MGMT: variants seen among roughly 807,000 people sequenced by gnomAD.
MGMT encodes methylated-DNA--protein-cysteine methyltransferase.
In MGMT, 14 loss-of-function variants were observed where a neutral mutation model predicts 15.9. That is an observed-to-expected ratio of 0.88 (90% CI 0.58 to 1.37). The LOEUF is 1.37. Among genes scored for constraint, MGMT ranks in the 40% most tolerant of loss-of-function variants. The pLI is 0.00. For missense variants in MGMT, 282 were observed against 268.1 expected (o/e 1.05, Z -0.36); for synonymous variants, 130 against 118.2 (o/e 1.10, Z -0.65).
At chr10:129,720,955 G>A (rs990800458) in intron 3 of MGMT, among the ~76,000 whole-genome samples, 4 of 147,738 alleles carry the variant, frequency 2.7e-5, no homozygotes, top group African/African-American at 1.0e-4. Flanking sequence ...AAAAAAAAAA[G>A]CAAGAAAAAT....
chr10:129,644,331 T>A (rs7894836), intron 2 of MGMT, among the ~76,000 whole-genome samples: 44,692 of 152,150 alleles, frequency 0.29, 6,930 homozygotes, highest in Non-Finnish European at 0.33. Flanking sequence ...ACAATGGCAG[T>A]ACACTGCGGC....
intron 2 of MGMT, among the ~76,000 whole-genome samples, chr10:129,538,053 G>A (rs1251164605): frequency 6.6e-6 from 1 of 152,172 alleles, no homozygotes; most frequent in Non-Finnish European, 1.5e-5. Flanking sequence ...AGCAGTATTT[G>A]TGTGTAGTTA....
At chr10:129,650,367 G>C (rs760690942) in intron 2 of MGMT, among the ~76,000 whole-genome samples, 10 of 152,150 alleles carry the variant, frequency 6.6e-5, no homozygotes, top group Non-Finnish European at 1.3e-4. Context: ...TAGAGGACGC[G>C]AGCACATGTG....
chr10:129,512,011 G>A (rs891749071), intron 1 of MGMT, among the ~76,000 whole-genome samples: 4 of 152,208 alleles, frequency 2.6e-5, no homozygotes, highest in Non-Finnish European at 4.4e-5. Context: ...CTAGCTCAGG[G>A]CTCAGTCCTG....
chr10:129,730,920 G>GCATA (rs1848488637), intron 3 of MGMT, among the ~76,000 whole-genome samples: 1 of 152,254 alleles, frequency 6.6e-6, no homozygotes, highest in African/African-American at 2.4e-5. Flanking sequence ...AAAGTCTTAG[G>GCATA]CATAATTCTT....
At chr10:129,668,696 T>C (rs1191641039) in intron 2 of MGMT, among the ~76,000 whole-genome samples, 1 of 152,250 alleles carries the variant, frequency 6.6e-6, no homozygotes, top group Non-Finnish European at 1.5e-5. Context: ...TTGTTCTTTT[T>C]ACAACTGTCT....
At chr10:129,673,482 C>T (rs140578225) in intron 2 of MGMT, among the ~76,000 whole-genome samples, 37 of 152,262 alleles carry the variant, frequency 2.4e-4, no homozygotes, top group Middle Eastern at 3.4e-3. Flanking sequence ...GTGTCTTCCT[C>T]GCAGTGCCTG....
In MGMT at chr10:129,595,604, C is replaced by T. The variant is rs111266756; in HGVS notation, c.125+59227C>T. On this transcript the variant is annotated intron_variant, in intron 2 of 4. Transcript: ENST00000651593. Reference sequence around the variant, plus strand: ...TGTTGACTGGATGCGTTTATGTGGGCGCTGCGATACTCTTCTTGGGGCGGG... The same window carrying T: ...TGTTGACTGGATGCGTTTATGTGGGTGCTGCGATACTCTTCTTGGGGCGGG... 2.5e-3 allele frequency among the ~76,000 whole-genome samples: 379 copies of T among 152,174 alleles called. 3 individuals are homozygous for T. Among genetic ancestry groups the T allele is most frequent in the African/African-American group, 8.6e-3 (357 of 41,516 alleles).
intron 2 of MGMT, among the ~76,000 whole-genome samples, chr10:129,544,067 C>A (rs1405753672): frequency 1.3e-5 from 2 of 152,130 alleles, no homozygotes; most frequent in African/African-American, 4.8e-5. Context: ...AATAAGTTTC[C>A]ATTTAAGAGT....
intron 2 of MGMT, among the ~76,000 whole-genome samples, chr10:129,544,507 A>C (rs1261317570): frequency 6.6e-6 from 1 of 152,188 alleles, no homozygotes; most frequent in Admixed American, 6.5e-5. Context: ...ATAATCTTGC[A>C]ACAGCCATCC....
chr10:129,614,316 G>A (rs747103594), intron 2 of MGMT, among the ~76,000 whole-genome samples: 7 of 152,144 alleles, frequency 4.6e-5, no homozygotes, highest in East Asian at 1.9e-4. Flanking sequence ...AGCAAAACCC[G>A]TTTCCCCCAC....
At chr10:129,727,194 A>G (rs1023138911) in intron 3 of MGMT, among the ~76,000 whole-genome samples, 3 of 152,188 alleles carry the variant, frequency 2.0e-5, no homozygotes, top group Admixed American at 6.5e-5. Flanking sequence ...GCCCCAAGCT[A>G]CAGCAGGATA....
chr10:129,634,044 ACTT>A (rs1847239443), intron 2 of MGMT, among the ~76,000 whole-genome samples: 1 of 152,064 alleles, frequency 6.6e-6, no homozygotes, highest in African/African-American at 2.4e-5. Context: ...ACTGCAGGTG[ACTT>A]CTTACAGTTT....
At chr10:129,513,796 C>T (rs1258811778) in intron 1 of MGMT, among the ~76,000 whole-genome samples, 1 of 152,216 alleles carries the variant, frequency 6.6e-6, no homozygotes, top group East Asian at 1.9e-4. Flanking sequence ...GTCTTTTCTT[C>T]ATTGCGGACA....
chr10:129,509,714 C>T (rs1368815793), intron 1 of MGMT, among the ~76,000 whole-genome samples: 1 of 152,210 alleles, frequency 6.6e-6, no homozygotes. Context: ...TTAGCTTTTT[C>T]ATGGGATTCT....
intron 2 of MGMT, among the ~76,000 whole-genome samples, chr10:129,547,943 C>T (rs987088167): frequency 1.2e-4 from 18 of 152,188 alleles, no homozygotes; most frequent in African/African-American, 2.9e-4. Context: ...GCTGATGTGT[C>T]GTCCGGTGAG....
At chr10:129,766,693 G>T in intron 4 of MGMT, 95 bp from the exon 5 acceptor site, 1 of 1,156,868 alleles carries the variant, frequency 8.6e-7, no homozygotes, top group Non-Finnish European at 1.2e-6. Context: ...TGCTTGGTGG[G>T]CACAGGACTC....
intron 1 of MGMT, among the ~76,000 whole-genome samples, chr10:129,503,953 G>A (rs957807850): frequency 6.6e-6 from 1 of 152,080 alleles, no homozygotes; most frequent in East Asian, 1.9e-4. Context: ...CCCTGTCTTT[G>A]TGTGCACTGG....
intron 2 of MGMT, among the ~76,000 whole-genome samples, chr10:129,576,689 A>C (rs1479033790): frequency 6.6e-6 from 1 of 152,226 alleles, no homozygotes; most frequent in Non-Finnish European, 1.5e-5. Flanking sequence ...TGGCCAGGGC[A>C]ATCAGGCAGG....
Sources: gnomAD v4.1 joint callset for allele counts (sites outside exome capture counted in the v4.1 genomes callset) on GRCh38, gnomAD v4.1.1 for gene constraint, MANE v1.5 for transcripts, NCBI Gene and HGNC (gene_info 2026-07-23, HGNC 2026-07-21) for gene names.